MRTFB: variants seen among roughly 807,000 people sequenced by gnomAD.
MRTFB encodes the protein myocardin related transcription factor B, also known as myocardin-related transcription factor B.
A neutral mutation model predicts 104.2 loss-of-function variants in MRTFB; 29 were observed. That is an observed-to-expected ratio of 0.28 (90% CI 0.21 to 0.38). The LOEUF (loss-of-function observed/expected upper bound fraction) is 0.38. Ranked by LOEUF, MRTFB falls within the 10% of genes least tolerant of loss-of-function variation. MRTFB has a pLI of 1.00. For synonymous variants in MRTFB, 535 were observed against 519.5 expected (o/e 1.03, Z -0.41); for missense variants, 1,270 against 1,341.6 (o/e 0.95, Z 0.83).
chr16:14,222,326 C>G (rs576184198), intron 8 of MRTFB, among the ~76,000 whole-genome samples: 1 of 152,304 alleles, frequency 6.6e-6, no homozygotes, highest in East Asian at 1.9e-4. Context: ...GCTATCCAAC[C>G]TACAGCCCAC....
chr16:14,096,785 T>A (rs1295702571), intron 2 of MRTFB, among the ~76,000 whole-genome samples: 2 of 152,260 alleles, frequency 1.3e-5, no homozygotes, highest in Non-Finnish European at 2.9e-5. Context: ...AACTTCCTAG[T>A]ATGTTTTTTA....
the MRTFB span, among the ~76,000 whole-genome samples, chr16:14,053,868 C>T: frequency 6.6e-6 from 1 of 152,188 alleles, no homozygotes; most frequent in African/African-American, 2.4e-5. Flanking sequence ...GCCTGGGAGC[C>T]AGAGTGAGGC....
upstream of MRTFB, among the ~76,000 whole-genome samples, chr16:14,069,605 C>T (rs769660641): frequency 3.9e-5 from 6 of 152,244 alleles, no homozygotes; most frequent in Non-Finnish European, 8.8e-5. Context: ...TCACATCAGC[C>T]TCCAGAGTAA....
At chr16:14,053,821 A>C in the MRTFB span, among the ~76,000 whole-genome samples, 1 of 152,114 alleles carries the variant, frequency 6.6e-6, no homozygotes, top group Non-Finnish European at 1.5e-5. Flanking sequence ...CCAGGAGTTC[A>C]AGGTTGCAGT....
chr16:14,218,721 T>G, intron 7 of MRTFB, 99 bp from the exon 8 acceptor site: 1 of 1,243,252 alleles, frequency 8.0e-7, no homozygotes, highest in Non-Finnish European at 1.1e-6. Flanking sequence ...TTTAAGCAGC[T>G]TCATAAATTT....
chr16:14,181,598 A>G (rs1319195457), intron 3 of MRTFB, among the ~76,000 whole-genome samples: 1 of 152,170 alleles, frequency 6.6e-6, no homozygotes, highest in Non-Finnish European at 1.5e-5. Context: ...ATGCCTCAAT[A>G]TTTACCCATC....
At chr16:14,061,566 CTTTTTT>C in the MRTFB span, among the ~76,000 whole-genome samples, 249 of 102,628 alleles carry the variant, frequency 2.4e-3, no homozygotes, top group African/African-American at 9.2e-3. Context: ...TCAAGGTCAT[CTTTTTT>C]TTTTTTTTTT....
intron 3 of MRTFB, among the ~76,000 whole-genome samples, chr16:14,209,153 C>T (rs534640468): frequency 2.5e-4 from 38 of 152,316 alleles, no homozygotes; most frequent in African/African-American, 6.0e-4. Flanking sequence ...CACGTGCCTG[C>T]GTCTGCAGGC....
rs749759267 is a variant in MRTFB at position 14,247,217 on chromosome 16, C to G, written c.1957C>G (p.Pro653Ala). 3 of 1,614,180 alleles carry G rather than the reference C, an allele frequency of 1.9e-6. No individual in the cohort carries two copies. The highest frequency in any genetic ancestry group is 2.5e-6 in the Non-Finnish European group (3 of 1,180,046). The change falls in exon 12 of 17, where the codon CCC becomes GCC. Residue 653 changes from proline to alanine, a missense_variant. By Grantham distance (27) the Pro-to-Ala change is conservative. Around this residue, in one of 3 missense-constraint regions of MRTFB, gnomAD observed 1,144 missense variants for 1,131.5 expected, o/e 1.01. Coordinates refer to ENST00000571589, the MANE Select transcript of MRTFB (RefSeq NM_001308142.2). ...CCCTGACTGCTCCAGCTCCAGGCAGCCCATCCCAGTAGCCAGCCACGCTGT... is the reference window on the plus strand; with the variant it reads ...CCCTGACTGCTCCAGCTCCAGGCAGGCCATCCCAGTAGCCAGCCACGCTGT... ...SLPDCSSSRQ[P>A]IPVASHAVGQ...
At chr16:14,102,999 T>A (rs2035778745) in intron 2 of MRTFB, among the ~76,000 whole-genome samples, 1 of 152,172 alleles carries the variant, frequency 6.6e-6, no homozygotes, top group South Asian at 2.1e-4. Context: ...AGGAGTGCCC[T>A]CTCTTTCTTC....
chr16:14,135,604 A>G (rs1480740190), intron 2 of MRTFB, among the ~76,000 whole-genome samples: 1 of 152,226 alleles, frequency 6.6e-6, no homozygotes, highest in Non-Finnish European at 1.5e-5. Flanking sequence ...CCCTGTCATT[A>G]AGCATGACTA....
At chr16:14,155,988 TCTC>T (rs562993543) in intron 3 of MRTFB, among the ~76,000 whole-genome samples, 35 of 152,140 alleles carry the variant, frequency 2.3e-4, no homozygotes, top group Non-Finnish European at 4.7e-4. Context: ...CTCATCTCTG[TCTC>T]CTCAGTTCAG....
the MRTFB span, among the ~76,000 whole-genome samples, chr16:14,056,264 C>T: frequency 6.6e-6 from 1 of 152,172 alleles, no homozygotes; most frequent in Admixed American, 6.6e-5. Flanking sequence ...CAGCCATGAG[C>T]CACCATGCCC....
chr16:14,204,373 T>G (rs1352352433), intron 3 of MRTFB, among the ~76,000 whole-genome samples: 1 of 152,000 alleles, frequency 6.6e-6, no homozygotes, highest in Non-Finnish European at 1.5e-5. Flanking sequence ...AAGAAGATAC[T>G]TTTTTTTATG....
chr16:14,129,474 T>A (rs774848616), intron 2 of MRTFB, among the ~76,000 whole-genome samples: 2 of 152,238 alleles, frequency 1.3e-5, no homozygotes, highest in Non-Finnish European at 2.9e-5. Context: ...CATTTAATGT[T>A]TTGGCTCTTT....
chr16:14,151,695 C>G (rs945031483), intron 3 of MRTFB: 2 of 152,110 alleles, frequency 1.3e-5, no homozygotes, highest in Non-Finnish European at 2.9e-5. Context: ...GCTGAGAGGG[C>G]AAAGGCAGTG....
Position 14,261,090 on chromosome 16 carries a change from A to G in MRTFB, c.2946A>G (p.Leu982=), listed in dbSNP as rs1444350302. ...GSLSASLENQ[L]EAFLDGTLPS... ...TATCTGCCAGCTTAGAGAACCAACT[A>G]GAAGCTTTCTTGGATGGAACTTTAC... The change falls in exon 17 of 17, where the codon CTA becomes CTG. Residue 982 remains leucine, a synonymous_variant. Transcript: ENST00000571589. 5.6e-6 allele frequency: 9 copies of G among 1,614,172 alleles called. No individual in the cohort carries two copies. The highest frequency in any genetic ancestry group is 6.8e-6 in the Non-Finnish European group (8 of 1,180,026).
chr16:14,236,752 G>A (rs1352349165), intron 9 of MRTFB, among the ~76,000 whole-genome samples: 1 of 152,228 alleles, frequency 6.6e-6, no homozygotes. Context: ...AGCCTTGTAA[G>A]AAGTTAGGCT....
rs114101897 is a variant in MRTFB, at chr16:14,121,643, G to A, written c.-63-18901G>A. Among the ~76,000 whole-genome samples, 198 of 152,108 alleles carry A rather than the reference G, an allele frequency of 1.3e-3. 1 individual carries two copies. Among genetic ancestry groups the A allele is most frequent in the South Asian group, 7.3e-3 (35 of 4,826 alleles). Reference sequence around the variant, plus strand: ...GAATGAGGGGAAAAGCCCTGAAAGCGTTTTTGTTTTTGTTTTTTTCAAATT... The same window carrying A: ...GAATGAGGGGAAAAGCCCTGAAAGCATTTTTGTTTTTGTTTTTTTCAAATT... On this transcript the variant is annotated intron_variant, in intron 2 of 16. Coordinates refer to ENST00000571589, the MANE Select transcript of MRTFB (RefSeq NM_001308142.2).
Sources: allele counts gnomAD v4.1 joint callset (sites outside exome capture counted in the v4.1 genomes callset), GRCh38; gene constraint gnomAD v4.1.1; regional missense constraint gnomAD v4.1.1; transcripts MANE v1.5; gene names NCBI Gene and HGNC (gene_info 2026-07-23, HGNC 2026-07-21).